Variants in POLQ observed in about 807,000 individuals in gnomAD.
POLQ encodes DNA polymerase theta, also known as epididymis secretory sperm binding protein.
A neutral mutation model predicts 259.2 loss-of-function variants in POLQ; 233 were observed. The observed-to-expected ratio is 0.90, with a 90% CI of 0.81 to 1.00. POLQ has a LOEUF of 1.00. Among genes scored for constraint, POLQ ranks in the 50% least tolerant of loss-of-function variants. POLQ has a pLI of 0.00. For synonymous variants in POLQ, 1,025 were observed against 1,048.8 expected, an observed-to-expected ratio of 0.98 and a Z score of 0.44; for missense variants, 2,871 against 3,051.6, an observed-to-expected ratio of 0.94 and a Z score of 1.39.
At chr3:121,450,826 A>T (rs1056541967) in intron 25 of POLQ, among the ~76,000 whole-genome samples, 2 of 151,988 alleles carry the variant, frequency 1.3e-5, no homozygotes, top group Non-Finnish European at 2.9e-5. Context: ...CTGAATTTGA[A>T]TGTTGGGCTG....
chr3:121,454,256 C>T (rs564751537), intron 25 of POLQ, among the ~76,000 whole-genome samples: 12 of 152,286 alleles, frequency 7.9e-5, no homozygotes, highest in East Asian at 1.9e-4. Context: ...AAGGAACAAC[C>T]GGTATCAGCC....
At position 121,510,073 on chromosome 3, in the gene POLQ, GA is replaced by G. The variant is rs1209376089; in HGVS notation, c.1781del (p.Phe594SerfsTer36). ...CATCACTGGCTTCTGTACTCTGGAT[GA>G]ATTCATTTTCTAGTAGCCACATCAC... Reference protein sequence around the residue: ...ACVMWLLENEFIQSTEASDGT... With the variant: ...ACVMWLLENEXIQSTEASDGT... On this transcript the variant is annotated frameshift_variant, in exon 11 of 30. Coordinates refer to ENST00000264233, the MANE Select transcript of POLQ (RefSeq NM_199420.4). LOFTEE classifies it high-confidence loss of function. The G allele has an allele frequency of 6.2e-7, 1 of 1,613,920 alleles. No homozygotes were observed. Among genetic ancestry groups the G allele is most frequent in the Non-Finnish European group, 8.5e-7 (1 of 1,179,832 alleles).
chr3:121,516,517 T>C (rs1273421033), intron 9 of POLQ, among the ~76,000 whole-genome samples: 2 of 152,184 alleles, frequency 1.3e-5, no homozygotes, highest in Non-Finnish European at 1.5e-5. Flanking sequence ...TCAGTATATA[T>C]GTACAGGTTC....
chr3:121,453,894 C>A (rs536626898), intron 25 of POLQ, among the ~76,000 whole-genome samples: 72 of 152,300 alleles, frequency 4.7e-4, no homozygotes, highest in African/African-American at 1.7e-3. Flanking sequence ...CACAAAGATA[C>A]TCCTCGAGAA....
At chr3:121,530,153 T>G (rs1258425878) in intron 6 of POLQ, among the ~76,000 whole-genome samples, 1 of 152,200 alleles carries the variant, frequency 6.6e-6, no homozygotes, top group Admixed American at 6.5e-5. Flanking sequence ...GATTGGACTT[T>G]ATGATTTTTT....
chr3:121,519,359 GATAT>G (rs58512042), intron 9 of POLQ, among the ~76,000 whole-genome samples: 7,807 of 136,662 alleles, frequency 0.057, 247 homozygotes, highest in Middle Eastern at 0.095. Context: ...AACAGTTGAT[GATAT>G]ATATATATAT....
rs748416457 is a variant in POLQ at position 121,511,903 on chromosome 3, A to G, written c.1595T>C (p.Ile532Thr). 1.9e-6 allele frequency: 3 copies of G among 1,613,732 alleles called. No homozygotes were observed. Among genetic ancestry groups the G allele is most frequent in the Admixed American group, 1.7e-5 (1 of 59,958 alleles). ...REGEEVTGSMIRAILEIIVGG... is the reference protein window; with the variant it reads ...REGEEVTGSMTRAILEIIVGG... ...CTCTCTTACCTCCAGAATAGCTCGT[A>G]TCATGCTGCCAGTTACTTCTTCTCC... is the stretch of plus-strand genomic sequence containing the variant. The change falls in exon 10 of 30, where the codon ATA (isoleucine) becomes ACA (threonine). Residue 532 changes from isoleucine (I) to threonine (T), a missense_variant. Ile to Thr is a moderately conservative substitution (Grantham distance 89). Around this residue, in one of 3 missense-constraint regions of POLQ, gnomAD observed 783 missense variants for 906.2 expected, o/e 0.86. Transcript: ENST00000264233.
At position 121,498,567 on chromosome 3, in the gene POLQ, C is replaced by T. The variant is rs1365984094; in HGVS notation, c.2063G>A (p.Gly688Glu). ...TSMKRVAELV[G>E]VEEGFLARCV... ...ACGGGCCAAGAACCCCTCTTCAACT[C>T]CCACTAGCTCTGCCACCCTTTTCAT... Residue 688 changes from glycine (G) to glutamate (E), a missense_variant, in exon 13 of 30, where the codon GGA becomes GAA. Physicochemically the swap from Gly to Glu is moderately conservative, Grantham distance 98. Transcript: ENST00000264233. The T allele has an allele frequency of 6.2e-7, 1 of 1,614,082 alleles. No homozygotes were observed. Among genetic ancestry groups the T allele is most frequent in the Admixed American group, 1.7e-5 (1 of 60,020 alleles).
At chr3:121,508,582 T>C (rs766036677) in intron 12 of POLQ, among the ~76,000 whole-genome samples, 2 of 152,240 alleles carry the variant, frequency 1.3e-5, no homozygotes, top group East Asian at 3.8e-4. Flanking sequence ...TTTAAGGCCA[T>C]GATAGATGAC....
intron 7 of POLQ, among the ~76,000 whole-genome samples, chr3:121,523,591 T>C (rs530517853): frequency 6.6e-6 from 1 of 152,188 alleles, no homozygotes; most frequent in South Asian, 2.1e-4. Flanking sequence ...GGCATGCACC[T>C]ATAGACCCAG....
chr3:121,521,537 T>G (rs2048336212), intron 8 of POLQ: 1 of 152,348 alleles, frequency 6.6e-6, no homozygotes, highest in African/African-American at 2.4e-5. Context: ...GGGAGACTAC[T>G]ATATAGAAAT....
chr3:121,487,410 T>G lies in POLQ; in HGVS notation c.5521A>C (p.Ile1841Leu). Reference protein sequence around the residue: ...ASDQNLFQTFIKEWRCKKRFS... With the variant: ...ASDQNLFQTFLKEWRCKKRFS... ...CGCTTTTTGCACCGCCACTCCTTAA[T>G]GAATGTTTGGAAAAGATTTTGGTCA... The change falls in exon 16 of 30, where the codon ATT becomes CTT. Residue 1841 changes from isoleucine to leucine, a missense_variant. By Grantham distance (5) the Ile-to-Leu change is conservative. Coordinates refer to ENST00000264233, the MANE Select transcript of POLQ (RefSeq NM_199420.4). The G allele has an allele frequency of 6.2e-7, 1 of 1,614,110 alleles. No homozygotes were observed. The highest frequency in any genetic ancestry group is 8.5e-7 in the Non-Finnish European group (1 of 1,179,978).
chr3:121,484,562 C>A (rs1018214725), intron 17 of POLQ, among the ~76,000 whole-genome samples: 29 of 152,084 alleles, frequency 1.9e-4, no homozygotes, highest in Admixed American at 1.9e-3. Flanking sequence ...AACATTAATT[C>A]TAGTTAATAT....
intron 2 of POLQ, among the ~76,000 whole-genome samples, chr3:121,542,945 C>T (rs2048501066): frequency 6.6e-6 from 1 of 151,848 alleles, no homozygotes; most frequent in South Asian, 2.1e-4. Context: ...TGAGATTGTG[C>T]CATTGTACTC....
rs752943897 is a variant in POLQ, at chr3:121,476,568, GA to G, written c.6376del (p.Ser2126LeufsTer16). 4 of 1,613,450 alleles carry G rather than the reference GA, an allele frequency of 2.5e-6. No homozygotes were observed. The Admixed American group carries it at 6.7e-5, about 27-fold the overall frequency. ...QAYQLAGHSF[S>X]FTSSDDIAEV... is the part of the protein sequence containing the mutation. ...AGCGATGTCATCTGAACTGGTGAAA[GA>G]AAAACTGTGGCCAGCTAGTTGATAG... On this transcript the variant is annotated frameshift_variant, in exon 20 of 30. Transcript: ENST00000264233. LOFTEE classifies it high-confidence loss of function.
rs541031557 is a variant in POLQ at position 121,466,647 on chromosome 3, G to A, written c.6967+872C>T. Among the ~76,000 whole-genome samples, 253 of 149,188 alleles carry A rather than the reference G, an allele frequency of 1.7e-3. 1 individual carries two copies. The highest frequency in any genetic ancestry group is 5.9e-3 in the African/African-American group (240 of 40,404). On this transcript the variant is annotated intron_variant, in intron 24 of 29. Coordinates refer to ENST00000264233, the MANE Select transcript of POLQ (RefSeq NM_199420.4). The stretch of plus-strand genomic sequence containing the variant: ...AGAGGTTGCGCTGAGCCGAGATCAC[G>A]CCATTGCACTCCAGCCTGGGCAACA...
intron 14 of POLQ, 105 bp from the exon 15 acceptor site, chr3:121,493,826 T>C: frequency 9.0e-7 from 1 of 1,105,654 alleles, no homozygotes; most frequent in Non-Finnish European, 1.3e-6. Flanking sequence ...CCTGCAAAAT[T>C]GTAAGATTTA....
At chr3:121,455,199 A>T (rs2047722767) in intron 25 of POLQ, among the ~76,000 whole-genome samples, 1 of 148,418 alleles carries the variant, frequency 6.7e-6, no homozygotes, top group Non-Finnish European at 1.5e-5. Flanking sequence ...ACAAAGACAC[A>T]ACATACCAGA....
intron 9 of POLQ, among the ~76,000 whole-genome samples, chr3:121,519,606 G>T (rs1445848773): frequency 6.7e-6 from 1 of 148,304 alleles, no homozygotes; most frequent in Non-Finnish European, 1.5e-5. Flanking sequence ...AACCCGGAAG[G>T]CAGAGCTTGC....
Sources: allele counts gnomAD v4.1 joint callset (sites outside exome capture counted in the v4.1 genomes callset), GRCh38; gene constraint gnomAD v4.1.1; regional missense constraint gnomAD v4.1.1; transcripts MANE v1.5; gene names NCBI Gene and HGNC (gene_info 2026-07-23, HGNC 2026-07-21).